The following ANKRD44 variants were observed in gnomAD, a reference collection of about 807,000 sequenced individuals.
ANKRD44 encodes serine/threonine-protein phosphatase 6 regulatory ankyrin repeat subunit B.
ANKRD44 carries 35 observed loss-of-function variants against 116.0 expected under a neutral mutation model. That is an observed-to-expected ratio of 0.30 (90% CI 0.23 to 0.40). The LOEUF (loss-of-function observed/expected upper bound fraction) is 0.40, where lower values mean the gene tolerates loss of function less well. Among genes scored for constraint, ANKRD44 ranks in the 10% least tolerant of loss-of-function variants. ANKRD44 has a pLI of 1.00. For missense variants in ANKRD44, 1,014 were observed against 1,242.6 expected (o/e 0.82, Z 2.77); for synonymous variants, 435 against 461.8 (o/e 0.94, Z 0.74).
intron 1 of ANKRD44, among the ~76,000 whole-genome samples, chr2:197,210,249 T>C (rs1437397473): frequency 1.3e-5 from 2 of 152,224 alleles, no homozygotes; most frequent in Non-Finnish European, 2.9e-5. Flanking sequence ...TTGAATCCAA[T>C]GCTGGGCTTG....
chr2:197,041,180 CAG>C (rs2076904297), intron 16 of ANKRD44, among the ~76,000 whole-genome samples: 1 of 152,284 alleles, frequency 6.6e-6, no homozygotes, highest in African/African-American at 2.4e-5. Context: ...ACAGAGTAGA[CAG>C]AGCTATGATG....
chr2:196,997,586 A>T (rs960191653), intron 25 of ANKRD44, among the ~76,000 whole-genome samples: 2 of 151,220 alleles, frequency 1.3e-5, no homozygotes, highest in African/African-American at 4.9e-5. Flanking sequence ...AATAGCTGGG[A>T]TTACAGGCAT....
rs1216989030 is a variant in ANKRD44, at chr2:197,203,832, T to C, written c.28-16726A>G. On this transcript the variant is annotated intron_variant, in intron 1 of 27. Coordinates refer to ENST00000282272, the MANE Select transcript of ANKRD44 (RefSeq NM_001195144.2). This position sits in a 1 kb window ranked among gnomAD's most constrained non-coding sequence, Gnocchi z 4.1. The stretch of plus-strand genomic sequence containing the variant: ...TAGATGCTACAACATGGATGAACCT[T>C]GGAAACATTATGCTAAGTGCAAGAA... Among the ~76,000 whole-genome samples the C allele has an allele frequency of 6.6e-6, 1 of 152,190 alleles. No individual in the cohort carries two copies. The highest frequency in any genetic ancestry group is 2.4e-5 in the African/African-American group (1 of 41,442).
At chr2:197,163,746 G>A (rs61314751) in intron 2 of ANKRD44, among the ~76,000 whole-genome samples, 7,853 of 152,190 alleles carry the variant, frequency 0.052, 683 homozygotes, top group African/African-American at 0.18. Flanking sequence ...TCCTACCTCA[G>A]GCTCCCGAGT....
intron 16 of ANKRD44, among the ~76,000 whole-genome samples, chr2:197,042,594 C>T (rs1369029332): frequency 6.6e-6 from 1 of 151,818 alleles, no homozygotes; most frequent in Non-Finnish European, 1.5e-5. Flanking sequence ...ATTCTGCTTC[C>T]TACCCTCTCT....
chr2:197,011,079 G>A (rs920515663), intron 18 of ANKRD44, among the ~76,000 whole-genome samples: 3 of 152,128 alleles, frequency 2.0e-5, no homozygotes, highest in African/African-American at 7.2e-5. Context: ...GTAATATGTC[G>A]TTGCTGCTGC....
intron 15 of ANKRD44, 29 bp downstream of exon 15, chr2:197,081,616 C>A (rs375395648): frequency 1.5e-5 from 24 of 1,600,410 alleles, no homozygotes; most frequent in Non-Finnish European, 1.9e-5. Flanking sequence ...AGAAATGGCA[C>A]CTTGTTCTTA....
intron 16 of ANKRD44, among the ~76,000 whole-genome samples, chr2:197,039,822 T>C (rs1339166319): frequency 6.6e-6 from 1 of 151,222 alleles, no homozygotes; most frequent in Non-Finnish European, 1.5e-5. Flanking sequence ...TGCAAGAGAG[T>C]AAGAAGGGTA....
intron 2 of ANKRD44, among the ~76,000 whole-genome samples, chr2:197,157,513 A>G (rs1192213260): frequency 6.6e-6 from 1 of 151,650 alleles, no homozygotes; most frequent in African/African-American, 2.4e-5. Flanking sequence ...CCTCTCTACT[A>G]AAAATACAAA....
chr2:197,282,565 T>C (rs1366671560), intron 1 of ANKRD44, among the ~76,000 whole-genome samples: 3 of 152,110 alleles, frequency 2.0e-5, no homozygotes, highest in African/African-American at 7.2e-5. Flanking sequence ...CCCTGGGATG[T>C]TGAGAGGTGA....
At chr2:197,277,013 T>C (rs567523404) in intron 1 of ANKRD44, among the ~76,000 whole-genome samples, 1 of 151,470 alleles carries the variant, frequency 6.6e-6, no homozygotes, top group African/African-American at 2.4e-5. Context: ...CTGCAAGCTC[T>C]GCCTCCCACG....
chr2:197,231,257 T>C (rs1227535582), intron 1 of ANKRD44, among the ~76,000 whole-genome samples: 1 of 152,026 alleles, frequency 6.6e-6, no homozygotes, highest in East Asian at 1.9e-4. Flanking sequence ...ACCCCGTCTC[T>C]AAAAAAATTA....
At chr2:197,183,926 C>A (rs1194089840) in intron 2 of ANKRD44, among the ~76,000 whole-genome samples, 1 of 152,226 alleles carries the variant, frequency 6.6e-6, no homozygotes, top group Non-Finnish European at 1.5e-5. Flanking sequence ...ATCACTTTAT[C>A]AGGTCCTCAT....
chr2:197,235,997 C>T (rs1333613268), intron 1 of ANKRD44, among the ~76,000 whole-genome samples: 1 of 152,110 alleles, frequency 6.6e-6, no homozygotes, highest in Non-Finnish European at 1.5e-5. Context: ...CTTTAAGAGA[C>T]ACCTGGACAA....
intron 2 of ANKRD44, among the ~76,000 whole-genome samples, chr2:197,155,965 G>C (rs988745237): frequency 1.3e-5 from 2 of 152,280 alleles, no homozygotes; most frequent in Non-Finnish European, 2.9e-5. Context: ...CAATAACTAT[G>C]AAAGCAAACA....
rs539041117 is a variant in ANKRD44 at position 197,110,732 on chromosome 2, C to T, written c.985+34G>A. 24 of 1,574,038 alleles carry T rather than the reference C, an allele frequency of 1.5e-5. No individual in the cohort carries two copies. The Middle Eastern group carries it at 6.7e-4, about 44-fold the overall frequency. On this transcript the variant is annotated intron_variant, in intron 9 of 27. Transcript: ENST00000282272. Reference sequence around the variant, plus strand: ...AGCCAAATTCACAACAAGAAACTATCGAAATAATGACACTACTGAAGCATC... The same window carrying T: ...AGCCAAATTCACAACAAGAAACTATTGAAATAATGACACTACTGAAGCATC...
At chr2:197,206,057 A>C (rs1375703751) in intron 1 of ANKRD44, among the ~76,000 whole-genome samples, 7 of 152,142 alleles carry the variant, frequency 4.6e-5, no homozygotes, top group Non-Finnish European at 1.0e-4. Context: ...GGGGTGACAT[A>C]TGCAGATGCA....
chr2:197,290,736 T>G (rs888658872), intron 1 of ANKRD44, among the ~76,000 whole-genome samples: 5 of 152,242 alleles, frequency 3.3e-5, no homozygotes, highest in African/African-American at 1.2e-4. Context: ...TATTTAACTC[T>G]TAGCATCTCA....
At chr2:197,195,336 G>A (rs1420356202) in intron 1 of ANKRD44, among the ~76,000 whole-genome samples, 1 of 152,134 alleles carries the variant, frequency 6.6e-6, no homozygotes, top group Admixed American at 6.5e-5. Context: ...GAAAGGAATA[G>A]AGTTTTCCCA....
Sources: gnomAD v4.1 joint callset for allele counts (sites outside exome capture counted in the v4.1 genomes callset) on GRCh38, gnomAD v4.1.1 for gene constraint, Gnocchi (gnomAD v3.1) non-coding constraint, MANE v1.5 for transcripts, NCBI Gene and HGNC (gene_info 2026-07-23, HGNC 2026-07-21) for gene names.